Variants in ZNF569 observed in about 807,000 individuals in gnomAD.
ZNF569 encodes zinc finger protein 569, also known as DNA-binding protein.
A neutral mutation model predicts 56.3 loss-of-function variants in ZNF569; 38 were observed. The observed-to-expected ratio is 0.68, with a 90% CI of 0.52 to 0.88. The LOEUF (loss-of-function observed/expected upper bound fraction) is 0.88. ZNF569 is among the 40% of genes least tolerant of loss of function. The pLI is 0.00. For synonymous variants in ZNF569, 241 were observed against 262.9 expected (o/e 0.92, Z 0.81); for missense variants, 666 against 809.2 (o/e 0.82, Z 2.15).
chr19:37,434,299 C>CA lies in ZNF569; in HGVS notation c.16-7922dup, dbSNP rs1165065037. Among the ~76,000 whole-genome samples, 235 of 70,956 alleles carry CA rather than the reference C, an allele frequency of 3.3e-3. 1 individual carries two copies. Among genetic ancestry groups the CA allele is most frequent in the Middle Eastern group, 8.5e-3 (1 of 118 alleles). 46.5% of individuals were successfully genotyped at this position (70,956 alleles called of 152,430 possible). A position where few individuals can be genotyped will look rare whatever the true frequency, so the allele number is the denominator to read the frequency against. ...TGGTGACAAGAGCGAGACTCTGTCT[C>CA]AAAAAAAAAAAAAAAAGGAAAGATG... On this transcript the variant is annotated intron_variant, in intron 3 of 5. Transcript: ENST00000316950.
chr19:37,455,797 A>T (rs113600817), intron 2 of ZNF569, among the ~76,000 whole-genome samples: 8 of 152,302 alleles, frequency 5.3e-5, no homozygotes, highest in African/African-American at 1.9e-4. Flanking sequence ...AAAAGGGCCA[A>T]TGACACATGA....
At chr19:37,448,040 G>A (rs1171358312) in intron 2 of ZNF569, among the ~76,000 whole-genome samples, 1 of 152,128 alleles carries the variant, frequency 6.6e-6, no homozygotes, top group Non-Finnish European at 1.5e-5. Flanking sequence ...ATACTAGTCT[G>A]TAGTTTTCTT....
At chr19:37,425,082 G>A (rs2041104278) in intron 5 of ZNF569, among the ~76,000 whole-genome samples, 1 of 151,856 alleles carries the variant, frequency 6.6e-6, no homozygotes, top group Non-Finnish European at 1.5e-5. Context: ...TCGCGCCACT[G>A]TACTCCACAG....
chr19:37,427,901 T>C, intron 3 of ZNF569: 1 of 445,628 alleles, frequency 2.2e-6, no homozygotes, highest in East Asian at 6.1e-5. Flanking sequence ...GTTTCACCAA[T>C]TACAGGGAAG....
upstream of ZNF569, chr19:37,467,787 G>C (rs1406807905): frequency 1.7e-6 from 2 of 1,207,658 alleles, no homozygotes; most frequent in Non-Finnish European, 2.4e-6. Flanking sequence ...ACCCTGTCCA[G>C]TGACATCTGA....
chr19:37,451,982 T>C (rs926117418), intron 2 of ZNF569, among the ~76,000 whole-genome samples: 1 of 152,256 alleles, frequency 6.6e-6, no homozygotes, highest in Non-Finnish European at 1.5e-5. Flanking sequence ...TGCTTTATGT[T>C]AGTCTTCTTC....
At chr19:37,425,318 A>ATTTTTTTT in intron 5 of ZNF569, among the ~76,000 whole-genome samples, 1 of 104,148 alleles carries the variant, frequency 9.6e-6, no homozygotes, top group Non-Finnish European at 1.8e-5. Flanking sequence ...CACGTGGCTA[A>ATTTTTTTT]TTTTTTTTTT....
Position 37,415,690 on chromosome 19 carries a change from G to A in ZNF569, c.239-1271C>T, listed in dbSNP as rs199863293. Among the ~76,000 whole-genome samples, 15 of 147,148 alleles carry A rather than the reference G, an allele frequency of 1.0e-4. No homozygotes were observed. In the East Asian group the frequency reaches 2.8e-3, roughly 28 times the overall value. On this transcript the variant is annotated intron_variant, in intron 5 of 5. Transcript: ENST00000316950. Reference sequence around the variant, plus strand: ...TTGAGACCATCCTGGCTAACACAGTGAAACCCCATCTCTACTAAAAATACA... The same window carrying A: ...TTGAGACCATCCTGGCTAACACAGTAAAACCCCATCTCTACTAAAAATACA...
At chr19:37,469,144 T>C (rs1408562220), upstream of ZNF569, 4 of 1,119,828 alleles carry the variant, frequency 3.6e-6, no homozygotes, top group Non-Finnish European at 4.4e-6. Flanking sequence ...GAATCCGGAC[T>C]TTCGGGCTCT....
chr19:37,444,953 G>A lies in ZNF569; in HGVS notation c.-32C>T, dbSNP rs1464624515. ...TTCTTTCTGGGAAGGGATGGGGCCT[G>A]CAGAAGTAGAGCTGGGGAAGAGAAT... On this transcript the variant is annotated 5_prime_UTR_variant, in exon 3 of 6. Transcript: ENST00000316950. 6.2e-7 allele frequency: 1 copy of A among 1,604,346 alleles called. No individual in the cohort carries two copies. Among genetic ancestry groups the A allele is most frequent in the Non-Finnish European group, 8.5e-7 (1 of 1,176,350 alleles).
Position 37,444,904 on chromosome 19 carries a change from T to A in ZNF569, c.15+3A>T, listed in dbSNP as rs766048599. ...AGAAACAAATACACTATTTAACATT[T>A]ACCTGGGACTCAGTCATTTCCTCTT... is the stretch of plus-strand genomic sequence containing the variant. On this transcript the variant is annotated splice_donor_region_variant and intron_variant, in intron 3 of 5. Coordinates refer to ENST00000316950, the MANE Select transcript of ZNF569 (RefSeq NM_152484.3). 1 of 1,607,084 alleles carries A rather than the reference T, an allele frequency of 6.2e-7. No individual in the cohort carries two copies. The highest frequency in any genetic ancestry group is 1.7e-5 in the Admixed American group (1 of 58,574).
rs752006845 is a variant in ZNF569 at position 37,426,289 on chromosome 19, AT to A, written c.104del (p.Asn35MetfsTer2). On this transcript the variant is annotated frameshift_variant, in exon 4 of 6. Transcript: ENST00000316950. LOFTEE classifies it high-confidence loss of function. ...LDPAQRKLYRNVMLENYNNLI... is the reference protein window; with the variant it reads ...LDPAQRKLYRXVMLENYNNLI... ...AGTTGTTATAGTTTTCTAGCATCAC[AT>A]TCCGGTACAGTTTTCTCTGAGCAGG... The A allele has an allele frequency of 3.1e-6, 5 of 1,613,554 alleles. No individual in the cohort carries two copies. The highest frequency in any genetic ancestry group is 4.2e-6 in the Non-Finnish European group (5 of 1,179,810).
At chr19:37,458,116 C>T (rs2041702005) in intron 2 of ZNF569, among the ~76,000 whole-genome samples, 2 of 152,090 alleles carry the variant, frequency 1.3e-5, no homozygotes, top group Non-Finnish European at 2.9e-5. Context: ...AGTGATCTGC[C>T]CACCTTGGCC....
intron 2 of ZNF569, among the ~76,000 whole-genome samples, chr19:37,447,569 A>C (rs2041518578): frequency 6.6e-6 from 1 of 152,112 alleles, no homozygotes; most frequent in African/African-American, 2.4e-5. Flanking sequence ...CTTCCTTTTC[A>C]ATCTTTATGT....
upstream of ZNF569, among the ~76,000 whole-genome samples, chr19:37,468,362 T>C (rs779163092): frequency 2.0e-5 from 3 of 152,160 alleles, no homozygotes; most frequent in Non-Finnish European, 4.4e-5. Flanking sequence ...GTGCTAGGAT[T>C]ACAGGCATGA....
At chr19:37,442,617 A>G (rs2041425158) in intron 3 of ZNF569, among the ~76,000 whole-genome samples, 1 of 152,246 alleles carries the variant, frequency 6.6e-6, no homozygotes, top group Non-Finnish European at 1.5e-5. Context: ...ATAGATGGTC[A>G]GGAGTGGATA....
Position 37,413,179 on chromosome 19 carries a change from G to A in ZNF569, c.1479C>T (p.Pro493=). Residue 493 remains proline (P), a synonymous_variant, in exon 6 of 6, where the codon CCC becomes CCT. Coordinates refer to ENST00000316950, the MANE Select transcript of ZNF569 (RefSeq NM_152484.3). ...CTTTACCACATTCATTGCATTCATA[G>A]GGTTTCTCTCCAGAATGAATTTTTT... is the stretch of plus-strand genomic sequence containing the variant. ...AHEKIHSGEK[P]YECNECGKAF... is the part of the protein sequence containing the mutation. 1 of 1,606,204 alleles carries A rather than the reference G, an allele frequency of 6.2e-7. No homozygotes were observed. The highest frequency in any genetic ancestry group is 1.3e-5 in the African/African-American group (1 of 74,424).
At position 37,414,283 on chromosome 19, in the gene ZNF569, CA is replaced by C. The variant is rs1568713673; in HGVS notation, c.374del (p.Leu125ArgfsTer22). 6.2e-7 allele frequency: 1 copy of C among 1,613,632 alleles called. No homozygotes were observed. Among genetic ancestry groups the C allele is most frequent in the Non-Finnish European group, 8.5e-7 (1 of 1,179,766 alleles). On this transcript the variant is annotated frameshift_variant, in exon 6 of 6. Coordinates refer to ENST00000316950, the MANE Select transcript of ZNF569 (RefSeq NM_152484.3). LOFTEE classifies it high-confidence loss of function. The part of the protein sequence containing the change: ...CQKKFANVFP[L>X]NSDFFPSRHN... ...GTCTGGAAGGGAAAAAATCAGAGTTCAGAGGAAATACATTTGCAAATTTCTT... is the reference window on the plus strand; with the variant it reads ...GTCTGGAAGGGAAAAAATCAGAGTTCGAGGAAATACATTTGCAAATTTCTT...
intron 3 of ZNF569, among the ~76,000 whole-genome samples, chr19:37,434,281 A>T (rs1317421865): frequency 1.2e-5 from 1 of 82,014 alleles, no homozygotes; most frequent in African/African-American, 8.8e-5. Flanking sequence ...GCCTGGTGAC[A>T]AGAGCGAGAC....
Sources: allele counts gnomAD v4.1 joint callset (sites outside exome capture counted in the v4.1 genomes callset), GRCh38; gene constraint gnomAD v4.1.1; transcripts MANE v1.5; gene names NCBI Gene and HGNC (gene_info 2026-07-23, HGNC 2026-07-21).